The following NLRP9 variants were observed in gnomAD, a reference collection of about 807,000 sequenced individuals.
NLRP9 encodes NACHT, LRR and PYD domains-containing protein 9.
Under a neutral mutation model 83.1 loss-of-function variants are expected in NLRP9, and 88 were observed. The observed-to-expected ratio is 1.06, with a 90% CI of 0.89 to 1.26. NLRP9 has a LOEUF of 1.26. Ranked by LOEUF, NLRP9 falls within the 50% of genes most tolerant of loss-of-function variation. The pLI is 0.00. For missense variants in NLRP9, 1,308 were observed against 1,179.3 expected, an observed-to-expected ratio of 1.11 and a Z score of -1.60; for synonymous variants, 521 against 447.6, an observed-to-expected ratio of 1.16 and a Z score of -2.07.
intron 6 of NLRP9, 85 bp from the exon 7 acceptor site, chr19:55,712,675 C>T (rs1367931740): frequency 6.0e-6 from 6 of 1,004,078 alleles, no homozygotes; most frequent in East Asian, 6.6e-5. Context: ...TCATATGACG[C>T]AAGAAATACC....
intron 5 of NLRP9, 91 bp from the exon 6 acceptor site, chr19:55,715,316 C>A: frequency 9.1e-7 from 1 of 1,101,132 alleles, no homozygotes; most frequent in Non-Finnish European, 1.3e-6. Context: ...CTGAAGCTTC[C>A]TATGGTAATA....
At chr19:55,711,344 A>C (rs1432166065) in intron 8 of NLRP9, 2 of 1,127,754 alleles carry the variant, frequency 1.8e-6, no homozygotes, top group African/African-American at 3.3e-5. Context: ...GTACAACTCT[A>C]AAGGCAAACC....
chr19:55,710,854 G>A (rs933117047), intron 8 of NLRP9, among the ~76,000 whole-genome samples: 6 of 152,146 alleles, frequency 3.9e-5, no homozygotes, highest in African/African-American at 1.2e-4. Context: ...GAGAGGCTGA[G>A]GCAGGTGGAT....
At chr19:55,719,823 T>G (rs1162838449) in intron 4 of NLRP9, among the ~76,000 whole-genome samples, 1 of 152,082 alleles carries the variant, frequency 6.6e-6, no homozygotes, top group East Asian at 1.9e-4. Flanking sequence ...TTAAGCAGGA[T>G]AAACACAAAG....
At chr19:55,716,550 C>T (rs1017500055) in intron 5 of NLRP9, among the ~76,000 whole-genome samples, 178 bp downstream of exon 5, 2 of 152,134 alleles carry the variant, frequency 1.3e-5, no homozygotes, top group Non-Finnish European at 2.9e-5. Context: ...TGAGCCACCA[C>T]GCCCAGCCAG....
At chr19:55,711,702 C>T (rs1190228067) in intron 8 of NLRP9, 98 bp downstream of exon 8, 25 of 1,248,004 alleles carry the variant, frequency 2.0e-5, no homozygotes, top group Non-Finnish European at 2.6e-5. Flanking sequence ...ACAAACAACC[C>T]TCCAGCCTGG....
chr19:55,734,814 T>TC, intron 1 of NLRP9, among the ~76,000 whole-genome samples: 1 of 152,136 alleles, frequency 6.6e-6, no homozygotes, highest in South Asian at 2.1e-4. Context: ...TTTGTATTTT[T>TC]CGTAGATACA....
chr19:55,727,028 G>A (rs1988423197), intron 3 of NLRP9, among the ~76,000 whole-genome samples: 2 of 152,256 alleles, frequency 1.3e-5, no homozygotes, highest in South Asian at 4.1e-4. Flanking sequence ...CAAGGCAGGT[G>A]GATCACATGA....
At chr19:55,710,348 C>T (rs766740627) in intron 8 of NLRP9, among the ~76,000 whole-genome samples, 1 of 152,148 alleles carries the variant, frequency 6.6e-6, no homozygotes, top group Non-Finnish European at 1.5e-5. Flanking sequence ...CCTTCTGGCC[C>T]TGCAGGGTAC....
chr19:55,709,561 C>G, intron 8 of NLRP9: 1 of 152,274 alleles, frequency 6.6e-6, no homozygotes, highest in East Asian at 1.9e-4. Context: ...TCTGTTTTCG[C>G]TATTTTCAGT....
At chr19:55,713,114 C>G (rs1987833598) in intron 6 of NLRP9, among the ~76,000 whole-genome samples, 1 of 150,786 alleles carries the variant, frequency 6.6e-6, no homozygotes, top group Admixed American at 6.6e-5. Flanking sequence ...ATTATTCTCC[C>G]TGGTTGAAAT....
chr19:55,724,225 G>T, intron 3 of NLRP9, 81 bp from the exon 4 acceptor site: 1 of 932,274 alleles, frequency 1.1e-6, no homozygotes, highest in Non-Finnish European at 1.6e-6. Context: ...GATTCTTCCT[G>T]CCCTGAATGC....
At chr19:55,738,058 T>TC (rs766746649) in intron 1 of NLRP9, 37 bp downstream of exon 1, 1 of 1,602,426 alleles carries the variant, frequency 6.2e-7, no homozygotes, top group East Asian at 2.2e-5. Context: ...TTCCCAGGCT[T>TC]CCCCCATGGG....
intron 3 of NLRP9, among the ~76,000 whole-genome samples, chr19:55,726,415 G>A (rs1447591608): frequency 1.3e-5 from 2 of 152,146 alleles, no homozygotes; most frequent in African/African-American, 4.8e-5. Flanking sequence ...CAATTGCTGA[G>A]ATGAATAAAG....
intron 5 of NLRP9, among the ~76,000 whole-genome samples, chr19:55,716,400 G>T (rs1988014220): frequency 6.6e-6 from 1 of 151,564 alleles, no homozygotes. Context: ...CTGGGAGTAT[G>T]GGCATGCGCC....
chr19:55,716,977 CCT>C, intron 4 of NLRP9, 79 bp from the exon 5 acceptor site: 1 of 1,119,800 alleles, frequency 8.9e-7, no homozygotes, highest in Non-Finnish European at 1.3e-6. Flanking sequence ...CCAAACGACA[CCT>C]CTGATTCTAG....
intron 4 of NLRP9, among the ~76,000 whole-genome samples, chr19:55,718,578 CGGG>C (rs1568596827): frequency 2.6e-5 from 4 of 152,220 alleles, no homozygotes; most frequent in East Asian, 1.9e-4. Flanking sequence ...CGTGCACATA[CGGG>C]CACAGTACCT....
rs770743779 is a variant in NLRP9, at chr19:55,732,028, GAT to G, written c.1801_1802del (p.Ile601LeufsTer4). 1.3e-6 allele frequency: 2 copies of G among 1,581,434 alleles called. No homozygotes were observed. Among genetic ancestry groups the G allele is most frequent in the Middle Eastern group, 1.7e-4 (1 of 5,866 alleles). ...LTTLRMCVEN[I>X]FPDDSGCISD... is the part of the protein sequence containing the mutation. ...AGATGCATCCTGAGTCATCTGGAAA[GAT>G]ATTCTCCACACACATGCGAAGTGTC... On this transcript the variant is annotated frameshift_variant, in exon 2 of 9. Coordinates refer to ENST00000332836, the MANE Select transcript of NLRP9 (RefSeq NM_176820.4). LOFTEE classifies it high-confidence loss of function.
intron 2 of NLRP9, among the ~76,000 whole-genome samples, chr19:55,730,282 C>T (rs912318395): frequency 6.6e-6 from 1 of 152,028 alleles, no homozygotes; most frequent in Non-Finnish European, 1.5e-5. Context: ...AGCAAGACTC[C>T]ATCTCTATTA....
Sources: allele counts gnomAD v4.1 joint callset (sites outside exome capture counted in the v4.1 genomes callset), GRCh38; gene constraint gnomAD v4.1.1; transcripts MANE v1.5; gene names NCBI Gene and HGNC (gene_info 2026-07-23, HGNC 2026-07-21).